CRADD: variants seen among roughly 807,000 people sequenced by gnomAD.
The protein encoded by CRADD is death domain-containing protein CRADD.
In CRADD, 9 loss-of-function variants were observed where a neutral mutation model predicts 15.5. The observed-to-expected ratio is 0.58, with a 90% CI of 0.35 to 1.01. The LOEUF is 1.01. Among genes scored for constraint, CRADD ranks in the 50% least tolerant of loss-of-function variants. The probability of loss-of-function intolerance (pLI) is 0.02; values close to 1 mark genes in which losing one functional copy is unlikely to be tolerated. For synonymous variants in CRADD, 118 were observed against 107.6 expected (o/e 1.10, Z -0.60); for missense variants, 227 against 250.3 (o/e 0.91, Z 0.63).
chr12:93,839,790 G>C (rs1958026481), intron 2 of CRADD, among the ~76,000 whole-genome samples: 1 of 152,066 alleles, frequency 6.6e-6, no homozygotes, highest in African/African-American at 2.4e-5. Flanking sequence ...TTGGTTTTCA[G>C]AAACACCTTA....
At chr12:93,734,896 T>A (rs766875653) in intron 2 of CRADD, among the ~76,000 whole-genome samples, 2 of 152,156 alleles carry the variant, frequency 1.3e-5, no homozygotes, top group African/African-American at 2.4e-5. Flanking sequence ...TGCCACTTCC[T>A]AGGGGAGGCC....
intron 2 of CRADD, among the ~76,000 whole-genome samples, chr12:93,728,595 A>C (rs897263065): frequency 1.3e-5 from 2 of 152,206 alleles, no homozygotes; most frequent in African/African-American, 4.8e-5. Flanking sequence ...AAGAGGGGAA[A>C]ATTTTATCTC....
chr12:93,802,496 G>T (rs927254507), intron 2 of CRADD, among the ~76,000 whole-genome samples: 3 of 30,856 alleles, frequency 9.7e-5, no homozygotes, highest in Non-Finnish European at 1.6e-4. Context: ...GAGAATTTCT[G>T]GGCCAGGGGC....
In CRADD at chr12:93,878,630, C is replaced by T. The variant is rs551696519; in HGVS notation, c.299-15420C>T. 1.9e-4 allele frequency among the ~76,000 whole-genome samples: 29 copies of T among 152,248 alleles called. No homozygotes were observed. The South Asian group carries it at 6.0e-3, about 32-fold the overall frequency. On this transcript the variant is annotated intron_variant, in intron 2 of 2. Transcript: ENST00000548483. ...TATTTAGAAACACAGCGCTATAGCCCATGGTGGTGAGGTTTGTGGGAACTC... is the reference window on the plus strand; with the variant it reads ...TATTTAGAAACACAGCGCTATAGCCTATGGTGGTGAGGTTTGTGGGAACTC...
intron 2 of CRADD, among the ~76,000 whole-genome samples, chr12:93,794,592 C>T (rs944337573): frequency 1.3e-5 from 2 of 152,098 alleles, no homozygotes; most frequent in East Asian, 1.9e-4. Flanking sequence ...CATCCCAGTC[C>T]GAACCTCTGA....
chr12:93,679,549 A>G (rs1376759158), intron 2 of CRADD, among the ~76,000 whole-genome samples: 1 of 152,204 alleles, frequency 6.6e-6, no homozygotes, highest in Non-Finnish European at 1.5e-5. Context: ...CGTTGGAGGA[A>G]TAGGATCAGG....
At position 93,781,993 on chromosome 12, in the gene CRADD, G is replaced by GT. The variant is rs779367334; in HGVS notation, c.299-67976dup. 4.6e-5 allele frequency among the ~76,000 whole-genome samples: 7 copies of GT among 152,062 alleles called. No homozygotes were observed. The East Asian group carries it at 1.4e-3, about 29-fold the overall frequency. ...TTTGACCCAGCCATCCCATTACTGG[G>GT]TATATACCCAAAGGATTATAAATCA... On this transcript the variant is annotated intron_variant, in intron 2 of 2. Coordinates refer to ENST00000332896, the MANE Select transcript of CRADD (RefSeq NM_003805.5).
At chr12:93,819,069 G>A (rs150357695) in intron 2 of CRADD, among the ~76,000 whole-genome samples, 145 of 152,366 alleles carry the variant, frequency 9.5e-4, no homozygotes, top group Non-Finnish European at 1.7e-3. Context: ...TTAAGGTTGT[G>A]ACAGATAAAA....
chr12:93,755,694 A>G (rs921360303), intron 2 of CRADD, among the ~76,000 whole-genome samples: 4 of 152,202 alleles, frequency 2.6e-5, no homozygotes, highest in Admixed American at 6.5e-5. Context: ...TGGCCAGTGC[A>G]CTGTAGCCAC....
chr12:93,782,398 G>C (rs192060711), intron 2 of CRADD, among the ~76,000 whole-genome samples: 68 of 151,820 alleles, frequency 4.5e-4, no homozygotes, highest in Non-Finnish European at 8.7e-4. Context: ...TGCTAAATGA[G>C]GAGTTAATGG....
chr12:93,829,714 A>G (rs1211189354), intron 2 of CRADD, among the ~76,000 whole-genome samples: 1 of 150,432 alleles, frequency 6.6e-6, no homozygotes, highest in Non-Finnish European at 1.5e-5. Context: ...GTTGTTTGAG[A>G]TGGAGCCTCG....
chr12:93,876,543 C>T (rs796894397), intron 2 of CRADD, among the ~76,000 whole-genome samples: 1 of 152,080 alleles, frequency 6.6e-6, no homozygotes, highest in South Asian at 2.1e-4. Context: ...ACTGTATTTT[C>T]AAATAGCCTG....
chr12:93,734,885 A>C lies in CRADD; in HGVS notation c.298+55813A>C, dbSNP rs902229417. ...ACTCAACTCACAGATCTCAGCTTTCATGCCACTTCCTAGGGGAGGCCTTCC... is the reference window on the plus strand; with the variant it reads ...ACTCAACTCACAGATCTCAGCTTTCCTGCCACTTCCTAGGGGAGGCCTTCC... On this transcript the variant is annotated intron_variant, in intron 2 of 2. Coordinates refer to ENST00000332896, the MANE Select transcript of CRADD (RefSeq NM_003805.5). Among the ~76,000 whole-genome samples, 14 of 152,192 alleles carry C rather than the reference A, an allele frequency of 9.2e-5. No homozygotes were observed. The East Asian group carries it at 2.7e-3, about 29-fold the overall frequency.
At chr12:93,807,659 A>C (rs1420654385) in intron 2 of CRADD, among the ~76,000 whole-genome samples, 1 of 152,152 alleles carries the variant, frequency 6.6e-6, no homozygotes, top group Non-Finnish European at 1.5e-5. Context: ...AGAGGTAGAG[A>C]TAAATGCTAT....
In CRADD at chr12:93,866,409, A is replaced by G. The variant is rs534572121; in HGVS notation, c.299-27641A>G. On this transcript the variant is annotated intron_variant, in intron 2 of 2. Coordinates refer to the CRADD transcript ENST00000548483. ...TTTTAATTTATAACATAATGTTTTTAATTGCTAAGACTCTTTTGTTGTATG... is the reference window on the plus strand; with the variant it reads ...TTTTAATTTATAACATAATGTTTTTGATTGCTAAGACTCTTTTGTTGTATG... Among the ~76,000 whole-genome samples, 6 of 152,256 alleles carry G rather than the reference A, an allele frequency of 3.9e-5. No homozygotes were observed. The South Asian group carries it at 1.2e-3, about 32-fold the overall frequency.
intron 2 of CRADD, among the ~76,000 whole-genome samples, chr12:93,858,855 C>T (rs1310262511): frequency 2.6e-5 from 4 of 152,234 alleles, no homozygotes; most frequent in African/African-American, 9.6e-5. Context: ...CATGGAGAGG[C>T]CAAGAAGGAT....
chr12:93,789,254 T>C (rs538092953), intron 2 of CRADD, among the ~76,000 whole-genome samples: 15 of 152,164 alleles, frequency 9.9e-5, no homozygotes, highest in Non-Finnish European at 1.8e-4. Context: ...AGAATGTGTG[T>C]AGCTTGCCTC....
At chr12:93,793,061 C>T (rs1957368841) in intron 2 of CRADD, among the ~76,000 whole-genome samples, 1 of 152,034 alleles carries the variant, frequency 6.6e-6, no homozygotes. Context: ...AGCCAGATAA[C>T]CCACCATAAA....
At chr12:93,722,184 A>T in intron 2 of CRADD, among the ~76,000 whole-genome samples, 1 of 152,278 alleles carries the variant, frequency 6.6e-6, no homozygotes, top group Non-Finnish European at 1.5e-5. Context: ...GTTCTTGATT[A>T]TGTGATTTCT....
Sources: gnomAD v4.1 joint callset for allele counts (sites outside exome capture counted in the v4.1 genomes callset) on GRCh38, gnomAD v4.1.1 for gene constraint, MANE v1.5 for transcripts, NCBI Gene and HGNC (gene_info 2026-07-23, HGNC 2026-07-21) for gene names.